IAH1: variants seen among roughly 807,000 people sequenced by gnomAD.
IAH1 encodes isoamyl acetate-hydrolyzing esterase 1 homolog.
Under a neutral mutation model 26.7 loss-of-function variants are expected in IAH1, and 24 were observed. The observed-to-expected ratio is 0.90, with a 90% confidence interval of 0.65 to 1.26. IAH1 has a LOEUF of 1.26. IAH1 is among the 50% of genes most tolerant of loss of function. IAH1 has a pLI of 0.00. For missense variants in IAH1, 300 were observed against 299.9 expected, an observed-to-expected ratio of 1.00 and a Z score of 0.00; for synonymous variants, 140 against 118.5, an observed-to-expected ratio of 1.18 and a Z score of -1.18.
intron 4 of IAH1, among the ~76,000 whole-genome samples, chr2:9,482,110 C>A (rs1661218172): frequency 6.7e-6 from 1 of 150,272 alleles, no homozygotes; most frequent in Non-Finnish European, 1.5e-5. Flanking sequence ...CGGCTCACTG[C>A]AACCTTTGCC....
the IAH1 span, among the ~76,000 whole-genome samples, chr2:9,504,746 G>A: frequency 1.4e-5 from 2 of 142,658 alleles, no homozygotes; most frequent in Non-Finnish European, 3.0e-5. Flanking sequence ...TGGCGACAGA[G>A]CAAGACTCTG....
downstream of IAH1, among the ~76,000 whole-genome samples, chr2:9,492,465 T>C (rs1035639455): frequency 2.6e-5 from 4 of 152,196 alleles, no homozygotes; most frequent in Admixed American, 6.5e-5. Flanking sequence ...TACATCCTAT[T>C]TGTGCAGAAG....
At chr2:9,476,810 G>C (rs374939965) in intron 2 of IAH1, among the ~76,000 whole-genome samples, 3 of 152,318 alleles carry the variant, frequency 2.0e-5, no homozygotes, top group South Asian at 4.1e-4. Flanking sequence ...GCAGGAACTG[G>C]CTGTTTCACT....
At chr2:9,490,229 G>A (rs758318148), downstream of IAH1, 2 of 1,608,804 alleles carry the variant, frequency 1.2e-6, no homozygotes, top group South Asian at 1.1e-5. Context: ...CAGTTTAAAG[G>A]AGGCAGCCTT....
rs34525911 is a variant in IAH1 at position 9,489,259 on chromosome 2, A to ATTTTTTTTTTTTTTTT, written c.*939_*954dup. The ATTTTTTTTTTTTTTTT allele has an allele frequency of 1.8e-3, 157 of 87,396 alleles. 18 individuals are homozygous for ATTTTTTTTTTTTTTTT. Among genetic ancestry groups the ATTTTTTTTTTTTTTTT allele is most frequent in the African/African-American group, 9.6e-3 (149 of 15,528 alleles). The allele number at this position is 87,396 out of a possible 1,614,324, so 5.4% of individuals were successfully genotyped here. A position where few individuals can be genotyped will look rare whatever the true frequency, so the allele number is the denominator to read the frequency against. ...AATATTCTAGGTTTGTAGATAGTGA[A>ATTTTTTTTTTTTTTTT]TTTTTTTTTTTTTTTTTTTTTTTTG... On this transcript the variant is annotated 3_prime_UTR_variant, in exon 6 of 6. Transcript: ENST00000497473.
At chr2:9,495,321 T>G (rs1487162227) in intron 6 of IAH1, among the ~76,000 whole-genome samples, 2 of 152,254 alleles carry the variant, frequency 1.3e-5, no homozygotes, top group African/African-American at 2.4e-5. Context: ...CTGTGAGCCA[T>G]GTGGGCATAC....
downstream of IAH1, chr2:9,490,976 C>T (rs1223896821): frequency 1.2e-6 from 1 of 819,148 alleles, no homozygotes; most frequent in Non-Finnish European, 2.0e-6. Context: ...CCAACCTAGA[C>T]CCTTCCTGCT....
At chr2:9,481,789 TG>T (rs533968927) in intron 4 of IAH1, among the ~76,000 whole-genome samples, 288 of 152,072 alleles carry the variant, frequency 1.9e-3, no homozygotes, top group African/African-American at 6.6e-3. Flanking sequence ...GATGCTGATG[TG>T]CCTTGACTTG....
At chr2:9,503,410 T>C in the IAH1 span, among the ~76,000 whole-genome samples, 1 of 152,202 alleles carries the variant, frequency 6.6e-6, no homozygotes, top group African/African-American at 2.4e-5. Flanking sequence ...ACTATTCCAG[T>C]ATATAGAATC....
At chr2:9,494,634 C>T, downstream of IAH1, 1 of 1,613,580 alleles carries the variant, frequency 6.2e-7, no homozygotes, top group South Asian at 1.1e-5. Flanking sequence ...CATAAATACT[C>T]ACATTCATGT....
rs1253861664 is a variant in IAH1, at chr2:9,474,578, C to A, written c.12C>A (p.Cys4Ter). Residue 4 changes from cysteine (C) to a stop codon, truncating the protein, a stop_gained, in exon 1 of 6, where the codon TGC becomes TGA. Transcript: ENST00000497473. LOFTEE classifies it high-confidence loss of function. The surrounding 1 kb of genome is among the most constrained non-coding windows in gnomAD (Gnocchi z 4.3). ...CGCCCGGCTGCTCCATGGCGCTGTG[C>A]GAGGCCGCGGGCTGCGGGAGTGCCC... MAL[C>*]EAAGCGSALL... 9 of 1,527,880 alleles carry A rather than the reference C, an allele frequency of 5.9e-6. No individual in the cohort carries two copies. The highest frequency in any genetic ancestry group is 2.0e-5 in the Admixed American group (1 of 49,802). 94.6% of individuals were successfully genotyped at this position (1,527,880 alleles called of 1,614,324 possible).
At chr2:9,478,799 G>A (rs926692462) in intron 3 of IAH1, among the ~76,000 whole-genome samples, 7 of 152,178 alleles carry the variant, frequency 4.6e-5, no homozygotes, top group African/African-American at 1.4e-4. Context: ...AATGGTGAAC[G>A]TGGGTTTGGA....
chr2:9,480,251 G>A (rs903169466), intron 3 of IAH1, among the ~76,000 whole-genome samples: 14 of 152,124 alleles, frequency 9.2e-5, no homozygotes, highest in Admixed American at 5.2e-4. Context: ...TGAGCCAGGC[G>A]TGGTGGCTCA....
intron 3 of IAH1, among the ~76,000 whole-genome samples, chr2:9,480,367 T>G (rs1272583483): frequency 6.6e-6 from 1 of 152,124 alleles, no homozygotes; most frequent in East Asian, 1.9e-4. Context: ...AGTGTGGTGT[T>G]GCGTGCCTGT....
At chr2:9,480,531 T>C (rs1167529818) in intron 3 of IAH1, among the ~76,000 whole-genome samples, 2 of 152,166 alleles carry the variant, frequency 1.3e-5, no homozygotes, top group African/African-American at 4.8e-5. Context: ...AAATATGAAG[T>C]CTTCAGTGTG....
In IAH1 at chr2:9,489,695, AG is replaced by A. The variant is rs1451872716; in HGVS notation, c.*1367del. On this transcript the variant is annotated 3_prime_UTR_variant, in exon 6 of 6. Coordinates refer to ENST00000497473, the MANE Select transcript of IAH1 (RefSeq NM_001039613.3). Reference sequence around the variant, plus strand: ...CCACAATTTAGAGACAATGTATACTAGATTTATCTCCTTTGTTTTTAGTTGA... The same window carrying A: ...CCACAATTTAGAGACAATGTATACTAATTTATCTCCTTTGTTTTTAGTTGA... The A allele has an allele frequency of 6.8e-6, 1 of 146,668 alleles. No individual in the cohort carries two copies. Among genetic ancestry groups the A allele is most frequent in the African/African-American group, 2.6e-5 (1 of 39,152 alleles). 9.1% of individuals were successfully genotyped at this position (146,668 alleles called of 1,614,324 possible).
At chr2:9,505,130 C>G in the IAH1 span, 3 of 1,610,196 alleles carry the variant, frequency 1.9e-6, no homozygotes, top group Non-Finnish European at 2.5e-6. Context: ...TCTTGTTATA[C>G]CAACTTCCCA....
At chr2:9,507,791 C>A in the IAH1 span, among the ~76,000 whole-genome samples, 4 of 152,246 alleles carry the variant, frequency 2.6e-5, no homozygotes, top group African/African-American at 9.6e-5. Flanking sequence ...ACAACCTTGG[C>A]TCACTGCCGC....
chr2:9,500,154 T>G (rs950511453), downstream of IAH1, among the ~76,000 whole-genome samples: 2 of 152,180 alleles, frequency 1.3e-5, no homozygotes, highest in Non-Finnish European at 2.9e-5. Flanking sequence ...CAAATGTCTA[T>G]CAACCAATGA....
Sources: allele counts gnomAD v4.1 joint callset (sites outside exome capture counted in the v4.1 genomes callset), GRCh38; gene constraint gnomAD v4.1.1; non-coding constraint Gnocchi (gnomAD v3.1); transcripts MANE v1.5; gene names NCBI Gene and HGNC (gene_info 2026-07-23, HGNC 2026-07-21).